Variants in LNX2 observed in about 807,000 individuals in gnomAD.
LNX2 encodes ligand of numb-protein X 2, also known as ligand of Numb protein X 2.
Under a neutral mutation model 66.2 loss-of-function variants are expected in LNX2, and 35 were observed. The observed-to-expected ratio is 0.53, with a 90% CI of 0.40 to 0.70. The LOEUF (loss-of-function observed/expected upper bound fraction) is 0.70. Among genes scored for constraint, LNX2 ranks in the 30% least tolerant of loss-of-function variants. The pLI is 0.00. For synonymous variants in LNX2, 337 were observed against 315.6 expected, an observed-to-expected ratio of 1.07 and a Z score of -0.72; for missense variants, 791 against 850.8, an observed-to-expected ratio of 0.93 and a Z score of 0.87.
At chr13:27,602,808 G>C (rs2138455602) in intron 1 of LNX2, among the ~76,000 whole-genome samples, 1 of 152,180 alleles carries the variant, frequency 6.6e-6, no homozygotes, top group East Asian at 1.9e-4. Flanking sequence ...ATAAGCTTTG[G>C]TTGCTCCATA....
intron 1 of LNX2, among the ~76,000 whole-genome samples, chr13:27,592,659 G>A (rs1279237610): frequency 6.6e-6 from 1 of 151,700 alleles, no homozygotes; most frequent in African/African-American, 2.4e-5. Context: ...ATGAGTGTAA[G>A]CAGCAAAGAG....
At position 27,583,255 on chromosome 13, in the gene LNX2, T is replaced by TGC. The variant is rs1227667311; in HGVS notation, c.-100-1454_-100-1453dup. Among the ~76,000 whole-genome samples, 66 of 58,528 alleles carry TGC rather than the reference T, an allele frequency of 1.1e-3. 18 individuals carry two copies. The highest frequency in any genetic ancestry group is 2.3e-3 in the African/African-American group (30 of 13,252). 38.4% of individuals were successfully genotyped at this position (58,528 alleles called of 152,430 possible). On this transcript the variant is annotated intron_variant, in intron 1 of 9. Coordinates refer to ENST00000316334, the MANE Select transcript of LNX2 (RefSeq NM_153371.4). ...GTGTGTGTGTGTGTGTGTGTGTGTG[T>TGC]GCGCGCGTCCTCTCCAACATACTTA...
chr13:27,551,801 T>C (rs1025856497), intron 8 of LNX2, among the ~76,000 whole-genome samples: 11 of 152,126 alleles, frequency 7.2e-5, no homozygotes, highest in Non-Finnish European at 1.5e-4. Context: ...AGGGACAGTG[T>C]TGGTTATTTT....
At chr13:27,591,778 GC>G (rs907121856) in intron 1 of LNX2, among the ~76,000 whole-genome samples, 24 of 152,152 alleles carry the variant, frequency 1.6e-4, no homozygotes, top group African/African-American at 5.6e-4. Context: ...TATTTTAGAC[GC>G]TGAAAAGTTT....
intron 2 of LNX2, among the ~76,000 whole-genome samples, chr13:27,577,082 C>G (rs1398745559): frequency 6.6e-6 from 1 of 152,126 alleles, no homozygotes; most frequent in Non-Finnish European, 1.5e-5. Context: ...AAAATTCTTA[C>G]AACTTAGCAA....
chr13:27,581,907 T>G, intron 1 of LNX2, 104 bp from the exon 2 acceptor site: 1 of 403,220 alleles, frequency 2.5e-6, no homozygotes, highest in Non-Finnish European at 4.4e-6. Flanking sequence ...TAGTAAAAAA[T>G]TAAAGGTTGA....
intron 2 of LNX2, among the ~76,000 whole-genome samples, chr13:27,578,714 C>CGCACCTAG (rs1310875343): frequency 1.3e-5 from 2 of 152,180 alleles, no homozygotes; most frequent in African/African-American, 4.8e-5. Context: ...ACAAGTCCCA[C>CGCACCTAG]GCACCTAGTC....
chr13:27,550,768 T>C (rs1253067359), intron 8 of LNX2, among the ~76,000 whole-genome samples: 1 of 152,024 alleles, frequency 6.6e-6, no homozygotes, highest in Non-Finnish European at 1.5e-5. Context: ...AAATTACACC[T>C]CAGTAACCTG....
At chr13:27,591,251 T>A (rs747729912) in intron 1 of LNX2, among the ~76,000 whole-genome samples, 18 of 152,210 alleles carry the variant, frequency 1.2e-4, no homozygotes, top group Non-Finnish European at 2.4e-4. Flanking sequence ...AGAAAATACA[T>A]TGTAATTCAT....
chr13:27,616,775 A>C (rs951300373), intron 1 of LNX2, among the ~76,000 whole-genome samples: 2 of 152,166 alleles, frequency 1.3e-5, no homozygotes, highest in Admixed American at 6.5e-5. Flanking sequence ...TTTGAGATGG[A>C]GTCTAGCTCT....
chr13:27,594,910 C>T (rs917846756), intron 1 of LNX2, among the ~76,000 whole-genome samples: 3 of 152,140 alleles, frequency 2.0e-5, no homozygotes, highest in Non-Finnish European at 4.4e-5. Context: ...AAGGTTTTCC[C>T]GTCTTTTTTC....
At chr13:27,569,586 A>G (rs17085766) in intron 2 of LNX2, among the ~76,000 whole-genome samples, 16,703 of 152,244 alleles carry the variant, frequency 0.11, 1,078 homozygotes, top group East Asian at 0.28. Context: ...CTGTACTGCA[A>G]TAATTATTCT....
At chr13:27,583,383 G>A (rs575818083) in intron 1 of LNX2, among the ~76,000 whole-genome samples, 5 of 151,862 alleles carry the variant, frequency 3.3e-5, no homozygotes, top group Admixed American at 6.6e-5. Flanking sequence ...TCAGCCTCCC[G>A]AGCAGCTGGG....
At position 27,573,618 on chromosome 13, in the gene LNX2, T is replaced by C. The variant is rs148113388; in HGVS notation, c.408-4342A>G. ...GGTGGAGCTGTCAGTGGCGTGAGTGTTGAGGGTGTGGCATGCCCCACCATG... is the reference window on the plus strand; with the variant it reads ...GGTGGAGCTGTCAGTGGCGTGAGTGCTGAGGGTGTGGCATGCCCCACCATG... On this transcript the variant is annotated intron_variant, in intron 2 of 9. Coordinates refer to ENST00000316334, the MANE Select transcript of LNX2 (RefSeq NM_153371.4). Among the ~76,000 whole-genome samples the C allele has an allele frequency of 5.6e-3, 849 of 152,156 alleles. 9 individuals are homozygous for C. The highest frequency in any genetic ancestry group is 0.019 in the African/African-American group (808 of 41,508).
intron 1 of LNX2, among the ~76,000 whole-genome samples, chr13:27,583,247 TGTGTGTGTGC>T (rs1955437051): frequency 2.3e-5 from 1 of 44,312 alleles, no homozygotes; most frequent in African/African-American, 1.6e-4. Flanking sequence ...TGTGTGTGTG[TGTGTGTGTGC>T]GCGCGTCCTC....
rs750339358 is a variant in LNX2, at chr13:27,548,354, C to T, written c.2054G>A (p.Trp685Ter). 1 of 1,613,122 alleles carries T rather than the reference C, an allele frequency of 6.2e-7. No individual in the cohort carries two copies. Among genetic ancestry groups the T allele is most frequent in the Non-Finnish European group, 8.5e-7 (1 of 1,179,640 alleles). The change falls in exon 10 of 10, where the codon TGG (tryptophan) becomes TAG (stop). Residue 685 changes from tryptophan (W) to a stop codon, truncating the protein, a stop_gained. Coordinates refer to ENST00000316334, the MANE Select transcript of LNX2 (RefSeq NM_153371.4). LOFTEE classifies it high-confidence loss of function. ...CAAAATCTATACAAGGCTGCCAGGCCAACAAATAACGGTCAGAGTGACTTT... is the reference window on the plus strand; with the variant it reads ...CAAAATCTATACAAGGCTGCCAGGCTAACAAATAACGGTCAGAGTGACTTT... ...RNKVTLTVIC[W>*]PGSLV is the part of the protein sequence containing the mutation.
intron 5 of LNX2, among the ~76,000 whole-genome samples, chr13:27,561,396 T>C (rs946238560): frequency 2.0e-5 from 3 of 152,102 alleles, no homozygotes; most frequent in Non-Finnish European, 2.9e-5. Context: ...CTCCCACTAA[T>C]CTCCACTCTT....
chr13:27,608,811 T>TGTTTTGTTTTGTTTTGTTTTG (rs1269407326), intron 1 of LNX2, among the ~76,000 whole-genome samples: 1 of 152,114 alleles, frequency 6.6e-6, no homozygotes, highest in African/African-American at 2.4e-5. Context: ...TGTTTTGTTT[T>TGTTTTGTTTTGTTTTGTTTTG]GTTTTGGTGG....
At chr13:27,585,950 C>T (rs928077204) in intron 1 of LNX2, among the ~76,000 whole-genome samples, 1 of 148,088 alleles carries the variant, frequency 6.8e-6, no homozygotes, top group African/African-American at 2.5e-5. Context: ...CATTTAGTAA[C>T]AGCGGTCTAT....
Sources: gnomAD v4.1 joint callset for allele counts (sites outside exome capture counted in the v4.1 genomes callset) on GRCh38, gnomAD v4.1.1 for gene constraint, MANE v1.5 for transcripts, NCBI Gene and HGNC (gene_info 2026-07-23, HGNC 2026-07-21) for gene names.